PLA2G4C: variants seen among roughly 807,000 people sequenced by gnomAD.
PLA2G4C encodes phospholipase A2 group IVC.
In PLA2G4C, 64 loss-of-function variants were observed where a neutral mutation model predicts 73.8. That is an observed-to-expected ratio of 0.87 (90% CI 0.71 to 1.07). The LOEUF is 1.07. PLA2G4C is among the 50% of genes least tolerant of loss of function. The pLI is 0.00. For synonymous variants in PLA2G4C, 254 were observed against 252.1 expected (o/e 1.01, Z -0.07); for missense variants, 622 against 665.4 (o/e 0.93, Z 0.72).
At position 48,098,880 on chromosome 19, in the gene PLA2G4C, C is replaced by T. The variant is rs1419642452; in HGVS notation, c.448-621G>A. Reference sequence around the variant, plus strand: ...TTGCACCACTGCACTCCAGCCTGGACGACAGAGTGAAACCCTGTCTCAAGA... The same window carrying T: ...TTGCACCACTGCACTCCAGCCTGGATGACAGAGTGAAACCCTGTCTCAAGA... On this transcript the variant is annotated intron_variant, in intron 5 of 16. Transcript: ENST00000599921. Among the ~76,000 whole-genome samples the T allele has an allele frequency of 7.7e-5, 11 of 142,430 alleles. 1 individual carries two copies. Among genetic ancestry groups the T allele is most frequent in the South Asian group, 2.3e-4 (1 of 4,312 alleles). The allele number at this position is 142,430 out of a possible 152,430, so 93.4% of individuals were successfully genotyped here. A position where few individuals can be genotyped will look rare whatever the true frequency, so the allele number is the denominator to read the frequency against.
At chr19:48,105,226 G>A in intron 3 of PLA2G4C, 107 bp downstream of exon 3, 1 of 718,744 alleles carries the variant, frequency 1.4e-6, no homozygotes. Context: ...TCCCATAGAA[G>A]TTCATATCCT....
At chr19:48,077,896 C>A in intron 10 of PLA2G4C, 72 bp from the exon 11 acceptor site, 1 of 1,239,986 alleles carries the variant, frequency 8.1e-7, no homozygotes, top group Non-Finnish European at 1.1e-6. Flanking sequence ...AGATTACCTG[C>A]AGCGACGTCT....
At chr19:48,060,651 G>A (rs1045522115) in intron 14 of PLA2G4C, among the ~76,000 whole-genome samples, 2 of 152,118 alleles carry the variant, frequency 1.3e-5, no homozygotes, top group African/African-American at 4.8e-5. Context: ...CAGAGATTTG[G>A]CAGAAAAGGA....
rs2032455238 is a variant in PLA2G4C at position 48,110,555 on chromosome 19, T to C, written c.-101A>G. 3 of 1,492,684 alleles carry C rather than the reference T, an allele frequency of 2.0e-6. No individual in the cohort carries two copies. Among genetic ancestry groups the C allele is most frequent in the African/African-American group, 1.4e-5 (1 of 69,964 alleles). The allele number at this position is 1,492,684 out of a possible 1,614,324, so 92.5% of individuals were successfully genotyped here. A position where few individuals can be genotyped will look rare whatever the true frequency, so the allele number is the denominator to read the frequency against. ...GTGCTCCGGAATCCGGTGCGGAGGC[T>C]TGGGCTCCCTGCGCTTAGCGGTGTA... is the stretch of plus-strand genomic sequence containing the variant. On this transcript the variant is annotated 5_prime_UTR_variant, in exon 1 of 17. Transcript: ENST00000599921.
chr19:48,090,245 A>G, intron 8 of PLA2G4C, 119 bp downstream of exon 8: 1 of 770,984 alleles, frequency 1.3e-6, no homozygotes, highest in South Asian at 1.5e-5. Flanking sequence ...TGTCAGGAAA[A>G]GCAGTTGCTA....
Position 48,110,750 on chromosome 19 carries a change from G to C in PLA2G4C, c.-296C>G, listed in dbSNP as rs2032469245. ...GCAGGGCCAACCTGGAGGTAAAATG[G>C]CCCCTGCGCCTTTAAACAGCCCTCC... On this transcript the variant is annotated 5_prime_UTR_variant, in exon 1 of 17. Transcript: ENST00000599921. The C allele has an allele frequency of 4.6e-6, 2 of 430,228 alleles. No homozygotes were observed. Among genetic ancestry groups the C allele is most frequent in the Non-Finnish European group, 8.2e-6 (2 of 243,020 alleles). The allele number at this position is 430,228 out of a possible 1,614,324, so 26.7% of individuals were successfully genotyped here. A position where few individuals can be genotyped will look rare whatever the true frequency, so the allele number is the denominator to read the frequency against.
intron 14 of PLA2G4C, among the ~76,000 whole-genome samples, chr19:48,055,400 T>TATATATATATATATATATATATATATAC: frequency 6.8e-6 from 1 of 147,882 alleles, no homozygotes; most frequent in Admixed American, 6.7e-5. Flanking sequence ...TATATATATA[T>TATATATATATATATATATATATATATAC]ATATATATAT....
chr19:48,098,864 T>C (rs1394763264), intron 5 of PLA2G4C, among the ~76,000 whole-genome samples: 2 of 150,270 alleles, frequency 1.3e-5, no homozygotes, highest in Admixed American at 6.6e-5. Flanking sequence ...ATTGCACCAC[T>C]GCACTCCAGC....
At position 48,110,539 on chromosome 19, in the gene PLA2G4C, A is replaced by G. The variant is rs765658797; in HGVS notation, c.-85T>C. ...ATGCGCGGTGGAGCTTGTGCTCCGG[A>G]ATCCGGTGCGGAGGCTTGGGCTCCC... is the stretch of plus-strand genomic sequence containing the variant. On this transcript the variant is annotated 5_prime_UTR_variant, in exon 1 of 17. Transcript: ENST00000599921. The G allele has an allele frequency of 2.1e-4, 320 of 1,532,456 alleles. No homozygotes were observed. The highest frequency in any genetic ancestry group is 2.6e-4 in the Non-Finnish European group (302 of 1,142,446). 94.9% of individuals were successfully genotyped at this position (1,532,456 alleles called of 1,614,324 possible). A position where few individuals can be genotyped will look rare whatever the true frequency, so the allele number is the denominator to read the frequency against.
intron 13 of PLA2G4C, 77 bp from the exon 14 acceptor site, chr19:48,062,229 G>A: frequency 7.9e-7 from 1 of 1,269,990 alleles, no homozygotes; most frequent in Non-Finnish European, 1.1e-6. Context: ...AGGCAGAGAG[G>A]GGGATGGGAA....
chr19:48,107,203 C>A (rs769237035), intron 1 of PLA2G4C, among the ~76,000 whole-genome samples: 1 of 149,240 alleles, frequency 6.7e-6, no homozygotes, highest in Non-Finnish European at 1.5e-5. Context: ...AACAATTGAT[C>A]GGCTATGGAT....
chr19:48,061,055 T>C (rs1600162262), intron 14 of PLA2G4C, among the ~76,000 whole-genome samples: 1 of 151,902 alleles, frequency 6.6e-6, no homozygotes, highest in African/African-American at 2.4e-5. Flanking sequence ...TAGCCTTGGG[T>C]GGTGGGAGAA....
chr19:48,082,910 T>C (rs1600215177), intron 10 of PLA2G4C, among the ~76,000 whole-genome samples: 1 of 150,154 alleles, frequency 6.7e-6, no homozygotes, highest in Admixed American at 6.7e-5. Flanking sequence ...GCCTCCCAGG[T>C]TCACGCCATT....
intron 12 of PLA2G4C, among the ~76,000 whole-genome samples, chr19:48,071,179 T>C (rs1968642807): frequency 6.6e-6 from 1 of 152,232 alleles, no homozygotes; most frequent in African/African-American, 2.4e-5. Context: ...TTAATAAATA[T>C]TAACTTCTAC....
chr19:48,110,394 A>G (rs1179372019), intron 1 of PLA2G4C, 93 bp downstream of exon 1: 9 of 746,044 alleles, frequency 1.2e-5, no homozygotes, highest in South Asian at 2.5e-5. Context: ...AAAAAGAAAA[A>G]GAAATCCTGT....
At chr19:48,070,363 G>A (rs534409047) in intron 12 of PLA2G4C, among the ~76,000 whole-genome samples, 2 of 152,324 alleles carry the variant, frequency 1.3e-5, no homozygotes, top group South Asian at 2.1e-4. Context: ...CTCAGTTGAA[G>A]GCTTTGAGGG....
At chr19:48,052,877 G>T in intron 16 of PLA2G4C, 120 bp downstream of exon 16, 1 of 1,036,172 alleles carries the variant, frequency 9.7e-7, no homozygotes. Context: ...GCTCAAGTAG[G>T]GGAGACACTG....
At chr19:48,105,929 C>CTTT (rs1568457503) in intron 2 of PLA2G4C, among the ~76,000 whole-genome samples, 12 of 13,104 alleles carry the variant, frequency 9.2e-4, no homozygotes, top group Admixed American at 1.3e-3. Flanking sequence ...CTCCCTCCCT[C>CTTT]CCTCCCTCCC....
At chr19:48,109,728 C>T (rs1257028001) in intron 1 of PLA2G4C, among the ~76,000 whole-genome samples, 6 of 152,110 alleles carry the variant, frequency 3.9e-5, no homozygotes, top group Non-Finnish European at 5.9e-5. Flanking sequence ...CGGCTCACTG[C>T]AAGCTCCGCC....
Sources: allele counts gnomAD v4.1 joint callset (sites outside exome capture counted in the v4.1 genomes callset), GRCh38; gene constraint gnomAD v4.1.1; transcripts MANE v1.5; gene names NCBI Gene and HGNC (gene_info 2026-07-23, HGNC 2026-07-21).